PTPRN2: variants seen among roughly 807,000 people sequenced by gnomAD.
PTPRN2 encodes protein tyrosine phosphatase receptor type N2.
In PTPRN2, 74 loss-of-function variants were observed where a neutral mutation model predicts 118.8. The observed-to-expected ratio is 0.62, with a 90% CI of 0.52 to 0.76. PTPRN2 has a LOEUF of 0.76. Ranked by LOEUF, PTPRN2 falls within the 30% of genes least tolerant of loss-of-function variation. PTPRN2 has a pLI of 0.00. For synonymous variants in PTPRN2, 641 were observed against 608.0 expected, an observed-to-expected ratio of 1.05 and a Z score of -0.80; for missense variants, 1,481 against 1,394.4, an observed-to-expected ratio of 1.06 and a Z score of -0.99.
intron 12 of PTPRN2, among the ~76,000 whole-genome samples, chr7:157,776,862 C>A (rs1585437686): frequency 9.6e-5 from 4 of 41,478 alleles, no homozygotes; most frequent in Non-Finnish European, 2.0e-4. Context: ...CTCCTCCTCC[C>A]TCTCCTCCTC....
intron 12 of PTPRN2, among the ~76,000 whole-genome samples, chr7:157,759,349 G>T (rs959199217): frequency 6.6e-6 from 1 of 152,240 alleles, no homozygotes. Flanking sequence ...CGATGTTCCT[G>T]AGGAGCTGGG....
intron 11 of PTPRN2, among the ~76,000 whole-genome samples, chr7:158,032,661 C>T (rs948987282): frequency 3.3e-5 from 5 of 152,016 alleles, no homozygotes; most frequent in African/African-American, 1.2e-4. Context: ...TCATACAACG[C>T]TAAATGCAGA....
intron 12 of PTPRN2, among the ~76,000 whole-genome samples, chr7:157,765,529 C>G (rs961915426): frequency 6.8e-6 from 1 of 147,558 alleles, no homozygotes; most frequent in Non-Finnish European, 1.5e-5. Flanking sequence ...TTCACCCACC[C>G]ATCCATCATC....
chr7:158,530,366 T>G (rs1329734383), intron 1 of PTPRN2, among the ~76,000 whole-genome samples: 1 of 152,164 alleles, frequency 6.6e-6, no homozygotes, highest in Non-Finnish European at 1.5e-5. Context: ...TTGGACTGAA[T>G]GAGGGAAGGT....
At chr7:158,571,018 C>T (rs1202599498) in intron 1 of PTPRN2, among the ~76,000 whole-genome samples, 2 of 152,360 alleles carry the variant, frequency 1.3e-5, no homozygotes, top group Non-Finnish European at 2.9e-5. Context: ...TGGCAGGAGC[C>T]GCACCGGACA....
intron 11 of PTPRN2, among the ~76,000 whole-genome samples, chr7:158,080,124 A>G (rs1812683372): frequency 6.6e-6 from 1 of 152,100 alleles, no homozygotes; most frequent in African/African-American, 2.4e-5. Flanking sequence ...AGGACCAGCA[A>G]TTCGCTCCAT....
rs1341918443 is a variant in PTPRN2 at position 157,548,916 on chromosome 7, TCTGCGTCCCGGAGGAGAGA to T, written c.2976+11_2976+29del. On this transcript the variant is annotated intron_variant, in intron 22 of 22. Coordinates refer to ENST00000389418, the MANE Select transcript of PTPRN2 (RefSeq NM_002847.5). ...GCCGCAGAGAGGCACCTTGAATGGGTCTGCGTCCCGGAGGAGAGACTGACAGTACCTTCGTCTGGACCAT... is the reference window on the plus strand; with the variant it reads ...GCCGCAGAGAGGCACCTTGAATGGGTCTGACAGTACCTTCGTCTGGACCAT... 2 of 1,605,554 alleles carry T rather than the reference TCTGCGTCCCGGAGGAGAGA, an allele frequency of 1.2e-6. No homozygotes were observed. Among genetic ancestry groups the T allele is most frequent in the Non-Finnish European group, 8.5e-7 (1 of 1,172,196 alleles).
chr7:157,909,399 A>T (rs1481421783), intron 11 of PTPRN2, among the ~76,000 whole-genome samples: 1 of 151,866 alleles, frequency 6.6e-6, no homozygotes, highest in Admixed American at 6.6e-5. Context: ...GGGGGGGAGG[A>T]TGCTGGCCAC....
rs375280319 is a variant in PTPRN2 at position 158,137,220 on chromosome 7, C to A, written c.1133-525G>T. Among the ~76,000 whole-genome samples, 27 of 152,210 alleles carry A rather than the reference C, an allele frequency of 1.8e-4. No individual in the cohort carries two copies. The East Asian group carries it at 5.0e-3, about 28-fold the overall frequency. On this transcript the variant is annotated intron_variant, in intron 7 of 22. Transcript: ENST00000389418. ...GATCATGAGGTCAGGAGTTGGAGAT[C>A]AGCCTGGCCAACAGGCGAAACCCCG...
At chr7:158,352,958 C>T (rs968289853) in intron 2 of PTPRN2, among the ~76,000 whole-genome samples, 21 of 152,270 alleles carry the variant, frequency 1.4e-4, no homozygotes. Context: ...ACATTCAGGC[C>T]ACCCTGGGCC....
intron 11 of PTPRN2, among the ~76,000 whole-genome samples, chr7:158,024,636 C>A (rs1807133900): frequency 6.6e-6 from 1 of 152,188 alleles, no homozygotes; most frequent in African/African-American, 2.4e-5. Flanking sequence ...TGGCTCCTGA[C>A]CCCATGGGGC....
At chr7:157,994,461 G>C (rs73169728) in intron 11 of PTPRN2, among the ~76,000 whole-genome samples, 1 of 144,098 alleles carries the variant, frequency 6.9e-6, no homozygotes, top group Admixed American at 7.1e-5. Context: ...CTGAGGCAGC[G>C]TTAGAGCGAG....
rs140548876 is a variant in PTPRN2, at chr7:157,986,783, C to T, written c.1724-88046G>A. Among the ~76,000 whole-genome samples the T allele has an allele frequency of 2.9e-4, 44 of 152,304 alleles. No individual in the cohort carries two copies. Among genetic ancestry groups the T allele is most frequent in the Non-Finnish European group, 4.1e-4 (28 of 68,022 alleles). On this transcript the variant is annotated intron_variant, in intron 11 of 22. Transcript: ENST00000389418. The surrounding 1 kb of genome is among the most constrained non-coding windows in gnomAD (Gnocchi z 4.5). ...ATCCAGTTGGCAGGACTGGAAGTAA[C>T]TGGGCAGAGGAGACATTTTGGAGCA...
chr7:158,105,659 C>T (rs1815624727), intron 10 of PTPRN2, among the ~76,000 whole-genome samples: 1 of 151,950 alleles, frequency 6.6e-6, no homozygotes, highest in Non-Finnish European at 1.5e-5. Context: ...TCAACTCTAT[C>T]CCAGACCATG....
intron 11 of PTPRN2, among the ~76,000 whole-genome samples, chr7:157,930,385 C>T (rs902964621): frequency 3.9e-5 from 6 of 152,198 alleles, no homozygotes; most frequent in African/African-American, 9.6e-5. Flanking sequence ...GAGAGGGGGT[C>T]TCTGTTCAGG....
chr7:158,337,485 C>G (rs572009246), intron 2 of PTPRN2, among the ~76,000 whole-genome samples: 36 of 150,690 alleles, frequency 2.4e-4, no homozygotes, highest in African/African-American at 8.4e-4. Context: ...TAAGAGGTGA[C>G]ACCTGCAGAC....
intron 6 of PTPRN2, among the ~76,000 whole-genome samples, chr7:158,144,431 A>T: frequency 6.6e-6 from 1 of 152,200 alleles, no homozygotes; most frequent in East Asian, 1.9e-4. Flanking sequence ...TGAGCCTAGG[A>T]GTTGGAGACC....
chr7:158,277,427 C>A (rs989290644), intron 3 of PTPRN2, among the ~76,000 whole-genome samples: 6 of 152,192 alleles, frequency 3.9e-5, no homozygotes, highest in African/African-American at 1.4e-4. Context: ...GAGACACGGA[C>A]GTTTGTACCT....
chr7:158,001,909 C>T (rs1805291678), intron 11 of PTPRN2, among the ~76,000 whole-genome samples: 1 of 152,246 alleles, frequency 6.6e-6, no homozygotes, highest in South Asian at 2.1e-4. Context: ...GCACCCGCTG[C>T]TGCACTGGGA....
Sources: gnomAD v4.1 joint callset for allele counts (sites outside exome capture counted in the v4.1 genomes callset) on GRCh38, gnomAD v4.1.1 for gene constraint, Gnocchi (gnomAD v3.1) non-coding constraint, MANE v1.5 for transcripts, NCBI Gene and HGNC (gene_info 2026-07-23, HGNC 2026-07-21) for gene names.